The following PKP3 variants were observed in gnomAD, a reference collection of about 807,000 sequenced individuals.
The protein encoded by PKP3 is plakophilin-3.
PKP3 carries 66 observed loss-of-function variants against 76.5 expected under a neutral mutation model. The ratio of observed to expected loss-of-function variants is 0.86; its 90% confidence interval spans 0.71 to 1.06. The LOEUF (loss-of-function observed/expected upper bound fraction) is 1.06, where lower values mean the gene tolerates loss of function less well. Ranked by LOEUF, PKP3 falls within the 50% of genes least tolerant of loss-of-function variation. The pLI, the probability that PKP3 is intolerant of heterozygous loss-of-function variation, is 0.00. For missense variants in PKP3, 1,338 were observed against 1,141.0 expected, an observed-to-expected ratio of 1.17 and a Z score of -2.49; for synonymous variants, 638 against 516.5, an observed-to-expected ratio of 1.24 and a Z score of -3.19.
chr11:392,611 C>A, upstream of PKP3: 1 of 1,276,386 alleles, frequency 7.8e-7, no homozygotes, highest in Non-Finnish European at 1.0e-6. Flanking sequence ...GGCTGCCCCG[C>A]ACGCGCCGGG....
Position 400,153 on chromosome 11 carries a change from T to C in PKP3, c.1448+12T>C. ...ACCGGCTTCCTCAGGTGCGCCAGCC[T>C]CGGGCAGCGGGGTGGGGATTGCAGG... On this transcript the variant is annotated intron_variant, in intron 6 of 12. Coordinates refer to ENST00000331563, the MANE Select transcript of PKP3 (RefSeq NM_007183.4). 1.3e-6 allele frequency: 2 copies of C among 1,532,666 alleles called. No individual in the cohort carries two copies. Among genetic ancestry groups the C allele is most frequent in the Non-Finnish European group, 8.7e-7 (1 of 1,143,110 alleles). 94.9% of individuals were successfully genotyped at this position (1,532,666 alleles called of 1,614,324 possible).
chr11:403,858 G>C, intron 10 of PKP3, 85 bp from the exon 11 acceptor site: 1 of 1,575,822 alleles, frequency 6.3e-7, no homozygotes, highest in Non-Finnish European at 8.6e-7. Context: ...ACTGGGGCCA[G>C]TCCAGCTCCC....
chr11:403,278 C>G lies in PKP3; in HGVS notation c.1923+15C>G, dbSNP rs772218968. 1.3e-6 allele frequency: 2 copies of G among 1,557,364 alleles called. No individual in the cohort carries two copies. The highest frequency in any genetic ancestry group is 1.7e-6 in the Non-Finnish European group (2 of 1,156,782). On this transcript the variant is annotated intron_variant, in intron 9 of 12. Transcript: ENST00000331563. ...GCGACCGCAGGGTGGGGCACCCAAC[C>G]CAGACCCGAGGGGGTCCCAGGGGTT...
chr11:397,786 CTCTG>C, intron 4 of PKP3, 124 bp downstream of exon 4: 1 of 949,510 alleles, frequency 1.1e-6, no homozygotes, highest in Non-Finnish European at 1.6e-6. Flanking sequence ...GTAGACCCCA[CTCTG>C]TCTGGAGCCC....
chr11:403,899 G>A, intron 10 of PKP3, 44 bp from the exon 11 acceptor site: 1 of 1,567,592 alleles, frequency 6.4e-7, no homozygotes, highest in South Asian at 1.2e-5. Context: ...AGGTGCCCAG[G>A]TGGCCAGGAG....
rs151265573 is a variant in PKP3 at position 397,054 on chromosome 11, C to T, written c.553C>T (p.Arg185Trp). 7,688 of 1,599,156 alleles carry T rather than the reference C, an allele frequency of 4.8e-3. 26 individuals carry two copies. The highest frequency in any genetic ancestry group is 5.7e-3 in the Non-Finnish European group (6,719 of 1,179,544). Residue 185 changes from arginine to tryptophan, a missense_variant, in exon 3 of 13, where the codon CGG (arginine) becomes TGG (tryptophan). Arg to Trp is a moderately radical substitution (Grantham distance 101). Coordinates refer to ENST00000331563, the MANE Select transcript of PKP3 (RefSeq NM_007183.4). ...TGACACACTCTCCCTGCGCTCGCTG[C>T]GGCTGGGGCCCGGGGGCCTGGACGA... is the stretch of plus-strand genomic sequence containing the variant. Reference protein sequence around the residue: ...DYDTLSLRSLRLGPGGLDDRY... With the variant: ...DYDTLSLRSLWLGPGGLDDRY...
At chr11:403,348 G>A (rs2133606817) in intron 9 of PKP3, 85 bp downstream of exon 9, 1 of 1,146,444 alleles carries the variant, frequency 8.7e-7, no homozygotes, top group South Asian at 1.5e-5. Context: ...GAGGGGAGGA[G>A]GAAGGGGACG....
Position 404,077 on chromosome 11 carries a change from G to C in PKP3, c.2212G>C (p.Asp738His). 1 of 1,612,506 alleles carries C rather than the reference G, an allele frequency of 6.2e-7. No homozygotes were observed. The highest frequency in any genetic ancestry group is 1.7e-5 in the Admixed American group (1 of 60,002). ...LVVASPIAARDLLYFDGLRKL... is the reference protein window; with the variant it reads ...LVVASPIAARHLLYFDGLRKL... ...GGTGGCCAGCCCCATCGCTGCCCGA[G>C]ACCTGCTGTATTTTGACGGACTCCG... The change falls in exon 11 of 13, where the codon GAC (aspartate) becomes CAC (histidine). Residue 738 changes from aspartate to histidine, a missense_variant. Coordinates refer to ENST00000331563, the MANE Select transcript of PKP3 (RefSeq NM_007183.4). The surrounding 1 kb of genome is among the most constrained non-coding windows in gnomAD (Gnocchi z 4.2).
intron 1 of PKP3, among the ~76,000 whole-genome samples, chr11:394,825 GC>G (rs1847024635): frequency 6.6e-6 from 1 of 152,202 alleles, no homozygotes; most frequent in Non-Finnish European, 1.5e-5. Context: ...GGCGGGCCAG[GC>G]CACTCGGTCG....
chr11:404,347 A>G lies in PKP3; in HGVS notation c.2358+24A>G. The stretch of plus-strand genomic sequence containing the variant: ...CGGTACGTTTCCCGAGCCCAGGGCA[A>G]GCAGGGACCCGGGTGCAGGGCATGG... On this transcript the variant is annotated intron_variant, in intron 12 of 12. Transcript: ENST00000331563. The surrounding 1 kb of genome is among the most constrained non-coding windows in gnomAD (Gnocchi z 4.2). 6.3e-7 allele frequency: 1 copy of G among 1,597,160 alleles called. No individual in the cohort carries two copies. The highest frequency in any genetic ancestry group is 1.1e-5 in the South Asian group (1 of 90,786).
rs537035134 is a variant in PKP3, at chr11:403,477, T to TC, written c.1924-135dup. ...GCACCTGATCCGGGCTGCGGCTGAT[T>TC]CCCCCCGGCTGGGGGGCAAAGGCAG... is the stretch of plus-strand genomic sequence containing the variant. On this transcript the variant is annotated intron_variant, in intron 9 of 12. Coordinates refer to ENST00000331563, the MANE Select transcript of PKP3 (RefSeq NM_007183.4). The TC allele has an allele frequency of 2.8e-4, 239 of 867,522 alleles. 6 individuals are homozygous for TC. The highest frequency in any genetic ancestry group is 2.0e-3 in the South Asian group (118 of 58,976). 53.7% of individuals were successfully genotyped at this position (867,522 alleles called of 1,614,324 possible). A position where few individuals can be genotyped will look rare whatever the true frequency, so the allele number is the denominator to read the frequency against.
At chr11:398,926 C>A in intron 4 of PKP3, 66 bp from the exon 5 acceptor site, 1 of 1,235,314 alleles carries the variant, frequency 8.1e-7, no homozygotes, top group Non-Finnish European at 1.1e-6. Context: ...GACACAGCTG[C>A]ACACAGGTGC....
chr11:403,371 G>T, intron 9 of PKP3, 108 bp downstream of exon 9: 1 of 996,082 alleles, frequency 1.0e-6, no homozygotes, highest in South Asian at 1.6e-5. Context: ...CAGGGTCCGC[G>T]GAGCCTCGGA....
intron 6 of PKP3, 67 bp from the exon 7 acceptor site, chr11:400,267 A>G: frequency 1.4e-6 from 2 of 1,444,862 alleles, no homozygotes; most frequent in Non-Finnish European, 9.4e-7. Flanking sequence ...GCGAGGGCCC[A>G]CGATGGGTTG....
rs373370326 is a variant in PKP3, at chr11:404,128, C to A, written c.2263C>A (p.Arg755=). The A allele has an allele frequency of 2.5e-6, 4 of 1,609,154 alleles. No homozygotes were observed. The highest frequency in any genetic ancestry group is 3.4e-6 in the Non-Finnish European group (4 of 1,177,592). ...AAAGCTCATCTTCATCAAGAAGAAG[C>A]GGGACAGGTAGGGGCCGACCCAGCC... ...LRKLIFIKKK[R]DSPDSEKSSR... Residue 755 remains arginine (R), a synonymous_variant, in exon 11 of 13, where the codon CGG becomes AGG. Coordinates refer to ENST00000331563, the MANE Select transcript of PKP3 (RefSeq NM_007183.4). The surrounding 1 kb of genome is among the most constrained non-coding windows in gnomAD (Gnocchi z 4.2).
intron 9 of PKP3, 31 bp from the exon 10 acceptor site, chr11:403,587 G>C (rs757238479): frequency 6.9e-6 from 11 of 1,594,796 alleles, no homozygotes; most frequent in Non-Finnish European, 9.4e-6. Flanking sequence ...TGAGGCCTCC[G>C]GGTCACGGCT....
At chr11:396,466 G>T in intron 1 of PKP3, 142 bp from the exon 2 acceptor site, 1 of 581,410 alleles carries the variant, frequency 1.7e-6, no homozygotes, top group Admixed American at 3.3e-5. Context: ...GGAGGCACTG[G>T]CCCTGGTGCC....
At chr11:399,293 C>A in intron 5 of PKP3, 97 bp downstream of exon 5, 2 of 508,534 alleles carry the variant, frequency 3.9e-6, no homozygotes, top group Non-Finnish European at 6.3e-6. Flanking sequence ...TCCACCTGCC[C>A]ACCATCTGCC....
At chr11:395,137 A>C (rs1847028655) in intron 1 of PKP3, among the ~76,000 whole-genome samples, 1 of 152,116 alleles carries the variant, frequency 6.6e-6, no homozygotes, top group Admixed American at 6.5e-5. Flanking sequence ...TCCTGGCCCC[A>C]CTCACGCGAG....
Sources: allele counts gnomAD v4.1 joint callset (sites outside exome capture counted in the v4.1 genomes callset), GRCh38; gene constraint gnomAD v4.1.1; non-coding constraint Gnocchi (gnomAD v3.1); transcripts MANE v1.5; gene names NCBI Gene and HGNC (gene_info 2026-07-23, HGNC 2026-07-21).